The following VARS2 variants were observed in gnomAD, a reference collection of about 807,000 sequenced individuals.
The protein encoded by VARS2 is valyl-tRNA synthetase 2, mitochondrial.
Under a neutral mutation model 154.1 loss-of-function variants are expected in VARS2, and 105 were observed. That is an observed-to-expected ratio of 0.68 (90% confidence interval 0.58 to 0.80). VARS2 has a LOEUF of 0.80. VARS2 is among the 30% of genes least tolerant of loss of function. The pLI is 0.00. For synonymous variants in VARS2, 483 were observed against 539.5 expected (o/e 0.90, Z 1.45); for missense variants, 1,157 against 1,361.4 (o/e 0.85, Z 2.36).
Position 30,919,873 on chromosome 6 carries a change from A to T in VARS2, c.1165+25A>T. On this transcript the variant is annotated intron_variant, in intron 12 of 29. Coordinates refer to ENST00000676266, the MANE Select transcript of VARS2 (RefSeq NM_020442.6). This position sits in a 1 kb window ranked among gnomAD's most constrained non-coding sequence, Gnocchi z 4.5. ...GGTGAGTGGAAGTCAGGGGAGGGAG[A>T]GAAAGTTGGGGGTCCTGGAGGAGAG... is the stretch of plus-strand genomic sequence containing the variant. 1 of 1,533,402 alleles carries T rather than the reference A, an allele frequency of 6.5e-7. No homozygotes were observed. The highest frequency in any genetic ancestry group is 8.8e-7 in the Non-Finnish European group (1 of 1,136,740). The allele number at this position is 1,533,402 out of a possible 1,614,324, so 95.0% of individuals were successfully genotyped here.
chr6:30,917,612 A>G lies in VARS2; in HGVS notation c.874-83A>G. On this transcript the variant is annotated intron_variant, in intron 9 of 29. Coordinates refer to ENST00000676266, the MANE Select transcript of VARS2 (RefSeq NM_020442.6). This position sits in a 1 kb window ranked among gnomAD's most constrained non-coding sequence, Gnocchi z 4.4. ...TAGATGGATTGCAGGGAGGCTGGGC[A>G]GATGGATGAGTGGCAGAGTGAAGCC... The G allele has an allele frequency of 8.5e-6, 11 of 1,293,168 alleles. No individual in the cohort carries two copies. Among genetic ancestry groups the G allele is most frequent in the Non-Finnish European group, 1.1e-6 (1 of 941,540 alleles). The allele number at this position is 1,293,168 out of a possible 1,614,324, so 80.1% of individuals were successfully genotyped here. A position where few individuals can be genotyped will look rare whatever the true frequency, so the allele number is the denominator to read the frequency against.
At position 30,917,034 on chromosome 6, in the gene VARS2, A is replaced by G; in HGVS notation, c.754-71A>G. 6.2e-7 allele frequency: 1 copy of G among 1,613,472 alleles called. No individual in the cohort carries two copies. The highest frequency in any genetic ancestry group is 8.5e-7 in the Non-Finnish European group (1 of 1,179,494). On this transcript the variant is annotated intron_variant, in intron 8 of 29. Transcript: ENST00000676266. The surrounding 1 kb of genome is among the most constrained non-coding windows in gnomAD (Gnocchi z 4.4). ...ATCTGTGTGGGGCAGGGAGGAAGCA[A>G]TGCCTGGGTCCCTGAGCAGGGTGAT...
At position 30,921,002 on chromosome 6, in the gene VARS2, C is replaced by A; in HGVS notation, c.1480-63C>A. The A allele has an allele frequency of 6.6e-7, 1 of 1,509,668 alleles. No homozygotes were observed. Among genetic ancestry groups the A allele is most frequent in the Non-Finnish European group, 9.0e-7 (1 of 1,116,604 alleles). 93.5% of individuals were successfully genotyped at this position (1,509,668 alleles called of 1,614,324 possible). A position where few individuals can be genotyped will look rare whatever the true frequency, so the allele number is the denominator to read the frequency against. ...AAAATGACCTCAGAGGCCACTCGTCCTATCTGTGGAGGTGCGGCCGTGCAG... is the reference window on the plus strand; with the variant it reads ...AAAATGACCTCAGAGGCCACTCGTCATATCTGTGGAGGTGCGGCCGTGCAG... On this transcript the variant is annotated intron_variant, in intron 15 of 29. Coordinates refer to ENST00000676266, the MANE Select transcript of VARS2 (RefSeq NM_020442.6). This position sits in a 1 kb window ranked among gnomAD's most constrained non-coding sequence, Gnocchi z 4.6.
At position 30,924,401 on chromosome 6, in the gene VARS2, C is replaced by T. The variant is rs999620108; in HGVS notation, c.2514C>T (p.Pro838=). ...GGCACTCGCCCCGCCCCCTGGGGCCCCCTCAGGTCCTGTTCTCCTGCGCTG... is the reference window on the plus strand; with the variant it reads ...GGCACTCGCCCCGCCCCCTGGGGCCTCCTCAGGTCCTGTTCTCCTGCGCTG... ...VLWHSPRPLG[P]PQVLFSCADL... Residue 838 remains proline, a synonymous_variant, in exon 26 of 30, where the codon CCC becomes CCT. Transcript: ENST00000676266. 6.2e-7 allele frequency: 1 copy of T among 1,612,784 alleles called. No individual in the cohort carries two copies. Among genetic ancestry groups the T allele is most frequent in the South Asian group, 1.1e-5 (1 of 91,076 alleles).
Position 30,914,344 on chromosome 6 carries a change from G to A in VARS2, c.-28G>A. 8.1e-7 allele frequency: 1 copy of A among 1,238,696 alleles called. No homozygotes were observed. Among genetic ancestry groups the A allele is most frequent in the Non-Finnish European group, 1.0e-6 (1 of 989,318 alleles). The allele number at this position is 1,238,696 out of a possible 1,614,324, so 76.7% of individuals were successfully genotyped here. ...CCCTGGGATAGCGGCGGGGCCTCCTGGTGAGCGCGCGCCGGGGCGGCCTCC... is the reference window on the plus strand; with the variant it reads ...CCCTGGGATAGCGGCGGGGCCTCCTAGTGAGCGCGCGCCGGGGCGGCCTCC... On this transcript the variant is annotated splice_region_variant and 5_prime_UTR_variant, in exon 1 of 30. An upstream open reading frame in the 5' UTR loses its in-frame stop. Transcript: ENST00000676266.
chr6:30,915,385 GC>G lies in VARS2; in HGVS notation c.319del (p.Arg107AspfsTer98). ...TCTGGGCCCCTGCCTCCTGCATACA[GC>G]CCCCGATATGTTGAGGCTGCCTGGT... ...DVSGPLPPAY[S>X]PRYVEAAWYP... On this transcript the variant is annotated frameshift_variant, in exon 4 of 30. Transcript: ENST00000676266. LOFTEE classifies it high-confidence loss of function. The G allele has an allele frequency of 8.7e-6, 14 of 1,614,196 alleles. No homozygotes were observed. Among genetic ancestry groups the G allele is most frequent in the Non-Finnish European group, 1.2e-5 (14 of 1,180,036 alleles).
rs545889600 is a variant in VARS2 at position 30,923,632 on chromosome 6, A to C, written c.2466+127A>C. 1.2e-5 allele frequency: 17 copies of C among 1,376,506 alleles called. No individual in the cohort carries two copies. In the East Asian group the frequency reaches 3.1e-4, roughly 25 times the overall value. The allele number at this position is 1,376,506 out of a possible 1,614,324, so 85.3% of individuals were successfully genotyped here. ...CCCCTCAGTTAGGAGAGGAGAGGAG[A>C]CGAGGGAGTCTCAGTTCCCCTCTTC... On this transcript the variant is annotated intron_variant, in intron 25 of 29. Coordinates refer to ENST00000676266, the MANE Select transcript of VARS2 (RefSeq NM_020442.6).
In VARS2 at chr6:30,920,557, A is replaced by C. The variant is rs557124736; in HGVS notation, c.1398-111A>C. The C allele has an allele frequency of 2.9e-5, 39 of 1,354,462 alleles. No homozygotes were observed. The highest frequency in any genetic ancestry group is 9.0e-6 in the Non-Finnish European group (9 of 1,001,374). 83.9% of individuals were successfully genotyped at this position (1,354,462 alleles called of 1,614,324 possible). A position where few individuals can be genotyped will look rare whatever the true frequency, so the allele number is the denominator to read the frequency against. ...AGAATACGAGCTCCGTGTCGGTTTT[A>C]TTCGCTATTGTATCCTCAGTACCAA... On this transcript the variant is annotated intron_variant, in intron 14 of 29. Transcript: ENST00000676266. This position sits in a 1 kb window ranked among gnomAD's most constrained non-coding sequence, Gnocchi z 4.6.
Position 30,914,261 on chromosome 6 carries a change from A to C in VARS2, c.-111A>C. On this transcript the variant is annotated 5_prime_UTR_variant, in exon 1 of 30. Transcript: ENST00000676266. ...CCGCCCCCATGCGCCGCGCGGCTCC[A>C]GGGCCACGTTCCAGGGTCGGGTTTG... The C allele has an allele frequency of 1.2e-6, 1 of 820,062 alleles. No homozygotes were observed. The highest frequency in any genetic ancestry group is 3.4e-5 in the East Asian group (1 of 29,572). The allele number at this position is 820,062 out of a possible 1,614,324, so 50.8% of individuals were successfully genotyped here.
chr6:30,924,738 A>G (rs1794737748), intron 26 of VARS2, among the ~76,000 whole-genome samples, 178 bp downstream of exon 26: 1 of 152,140 alleles, frequency 6.6e-6, no homozygotes, highest in African/African-American at 2.4e-5. Context: ...GAGGGACAGT[A>G]TTAGCGTAGT....
At position 30,920,092 on chromosome 6, in the gene VARS2, C is replaced by T. The variant is rs1479664117; in HGVS notation, c.1169C>T (p.Ala390Val). The part of the protein sequence containing the change: ...YAVQPHVGTG[A>V]VKVTPAHSPA... ...CACCATGGCTGTGCTCCCCAAGGGG[C>T]AGTGAAGGTGACTCCAGCTCACAGT... Residue 390 changes from alanine to valine, a missense_variant, in exon 13 of 30, where the codon GCA (alanine) becomes GTA (valine). By Grantham distance (64) the Ala-to-Val change is moderately conservative (BLOSUM62 0). Transcript: ENST00000676266. This position sits in a 1 kb window ranked among gnomAD's most constrained non-coding sequence, Gnocchi z 4.6. 3 of 1,541,306 alleles carry T rather than the reference C, an allele frequency of 1.9e-6. No homozygotes were observed. Among genetic ancestry groups the T allele is most frequent in the East Asian group, 4.5e-5 (2 of 44,308 alleles).
chr6:30,917,815 A>G lies in VARS2; in HGVS notation c.985+9A>G. ...CGTGGATGGAGAGCCTGGTGAGCAT[A>G]GTACTCTGCAGGGTCACCCGTTTAC... On this transcript the variant is annotated intron_variant, in intron 10 of 29. Transcript: ENST00000676266. The surrounding 1 kb of genome is among the most constrained non-coding windows in gnomAD (Gnocchi z 4.4). 6.4e-7 allele frequency: 1 copy of G among 1,552,128 alleles called. No individual in the cohort carries two copies. The highest frequency in any genetic ancestry group is 8.7e-7 in the Non-Finnish European group (1 of 1,146,914).
rs531126951 is a variant in VARS2 at position 30,926,102 on chromosome 6, C to T, written c.3091-7C>T. 16 of 1,613,110 alleles carry T rather than the reference C, an allele frequency of 9.9e-6. No homozygotes were observed. Among genetic ancestry groups the T allele is most frequent in the South Asian group, 4.4e-5 (4 of 91,090 alleles). ...CTGGATCCTCACCTCCTTTTCTCCT[C>T]GTCCAGCTTTCTTCCCTCCAGCTGG... On this transcript the variant is annotated splice_region_variant and splice_polypyrimidine_tract_variant and intron_variant, in intron 29 of 29. Coordinates refer to ENST00000676266, the MANE Select transcript of VARS2 (RefSeq NM_020442.6).
Position 30,919,654 on chromosome 6 carries a change from A to G in VARS2, c.1075-104A>G. 3.4e-6 allele frequency: 3 copies of G among 890,866 alleles called. No individual in the cohort carries two copies. The highest frequency in any genetic ancestry group is 4.9e-6 in the Non-Finnish European group (3 of 616,510). 55.2% of individuals were successfully genotyped at this position (890,866 alleles called of 1,614,324 possible). A position where few individuals can be genotyped will look rare whatever the true frequency, so the allele number is the denominator to read the frequency against. On this transcript the variant is annotated intron_variant, in intron 11 of 29. Coordinates refer to ENST00000676266, the MANE Select transcript of VARS2 (RefSeq NM_020442.6). The surrounding 1 kb of genome is among the most constrained non-coding windows in gnomAD (Gnocchi z 4.5). Reference sequence around the variant, plus strand: ...TTTGCTGACCTTGCTCTAGCTTGCTACCTTCCACTTTCTACCTTCTTATTC... The same window carrying G: ...TTTGCTGACCTTGCTCTAGCTTGCTGCCTTCCACTTTCTACCTTCTTATTC...
rs1212663611 is a variant in VARS2, at chr6:30,923,113, T to C, written c.2195T>C (p.Leu732Ser). Residue 732 changes from leucine to serine, a missense_variant, in exon 24 of 30, where the codon TTG becomes TCG. Transcript: ENST00000676266. Reference protein sequence around the residue: ...LCSHGVQAGDLHLSVSEVQSC... With the variant: ...LCSHGVQAGDSHLSVSEVQSC... ...GATTCTTCCCTTCCAGCGGGCGACT[T>C]GCACCTGTCAGTCTCTGAGGTCCAG... The C allele has an allele frequency of 2.5e-6, 4 of 1,612,966 alleles. No individual in the cohort carries two copies. In the Admixed American group the frequency reaches 6.7e-5, roughly 27 times the overall value.
chr6:30,923,045 G>T, intron 23 of VARS2, 59 bp from the exon 24 acceptor site: 1 of 1,608,118 alleles, frequency 6.2e-7, no homozygotes, highest in Non-Finnish European at 8.5e-7. Flanking sequence ...CAGGGCAGGG[G>T]CAGGACTTCT....
At chr6:30,925,847 A>G (rs1794803914) in intron 28 of VARS2, 33 bp from the exon 29 acceptor site, 1 of 1,611,592 alleles carries the variant, frequency 6.2e-7, no homozygotes, top group Non-Finnish European at 8.5e-7. Flanking sequence ...CAGCAGGCGG[A>G]TGTCTGAGCC....
In VARS2 at chr6:30,917,159, C is replaced by T. The variant is rs780267580; in HGVS notation, c.808C>T (p.Leu270=). Residue 270 remains leucine, a synonymous_variant, in exon 9 of 30, where the codon CTG becomes TTG. Coordinates refer to ENST00000676266, the MANE Select transcript of VARS2 (RefSeq NM_020442.6). The surrounding 1 kb of genome is among the most constrained non-coding windows in gnomAD (Gnocchi z 4.4). The stretch of plus-strand genomic sequence containing the variant: ...TGTGCGGCTCTACAAGGCGGGGTTG[C>T]TGTACCGGAACCATCAGCTTGTCAA... ...AFVRLYKAGL[L]YRNHQLVNWS... 8.1e-6 allele frequency: 13 copies of T among 1,614,174 alleles called. No homozygotes were observed. The highest frequency in any genetic ancestry group is 1.0e-5 in the Non-Finnish European group (12 of 1,180,036).
chr6:30,915,778 T>G lies in VARS2; in HGVS notation c.417T>G (p.Phe139Leu). 1 of 1,613,820 alleles carries G rather than the reference T, an allele frequency of 6.2e-7. No individual in the cohort carries two copies. Among genetic ancestry groups the G allele is most frequent in the Non-Finnish European group, 8.5e-7 (1 of 1,180,034 alleles). The stretch of plus-strand genomic sequence containing the variant: ...TGCCCCAAGCTACAGGGGAGACCTT[T>G]TCCATGTGTATCCCACCTCCCAATG... ...ARLPQATGET[F>L]SMCIPPPNVT... The change falls in exon 5 of 30, where the codon TTT becomes TTG. Residue 139 changes from phenylalanine to leucine, a missense_variant. Transcript: ENST00000676266.
Sources: allele counts gnomAD v4.1 joint callset (sites outside exome capture counted in the v4.1 genomes callset), GRCh38; gene constraint gnomAD v4.1.1; non-coding constraint Gnocchi (gnomAD v3.1); transcripts MANE v1.5; gene names NCBI Gene and HGNC (gene_info 2026-07-23, HGNC 2026-07-21).